Variants in CSMD1 observed in about 807,000 individuals in gnomAD.
CSMD1 encodes CUB and Sushi multiple domains 1.
Under a neutral mutation model 417.5 loss-of-function variants are expected in CSMD1, and 213 were observed. The observed-to-expected ratio is 0.51, with a 90% CI of 0.46 to 0.57. CSMD1 has a LOEUF of 0.57. Among genes scored for constraint, CSMD1 ranks in the 20% least tolerant of loss-of-function variants. CSMD1 has a pLI of 0.00. For synonymous variants in CSMD1, 2,862 were observed against 1,736.8 expected, an observed-to-expected ratio of 1.65 and a Z score of -16.11; for missense variants, 6,923 against 4,529.7, an observed-to-expected ratio of 1.53 and a Z score of -15.17.
intron 21 of CSMD1, among the ~76,000 whole-genome samples, chr8:3,356,432 T>C (rs1336407813): frequency 6.6e-6 from 1 of 152,130 alleles, no homozygotes; most frequent in Non-Finnish European, 1.5e-5. Flanking sequence ...ATCCCAGCAC[T>C]TTGGGAGGCC....
intron 1 of CSMD1, among the ~76,000 whole-genome samples, chr8:4,776,560 C>T (rs764406017): frequency 5.3e-5 from 8 of 152,146 alleles, no homozygotes; most frequent in Non-Finnish European, 1.0e-4. Context: ...CCACTACGGG[C>T]TGCATTGTTC....
intron 25 of CSMD1, among the ~76,000 whole-genome samples, chr8:3,306,636 T>C (rs1804872581): frequency 6.6e-6 from 1 of 151,644 alleles, no homozygotes; most frequent in African/African-American, 2.4e-5. Context: ...GCAAATTTTG[T>C]ACAGAAAATT....
intron 3 of CSMD1, among the ~76,000 whole-genome samples, chr8:4,191,362 C>G (rs1207581020): frequency 6.6e-6 from 1 of 152,052 alleles, no homozygotes; most frequent in Non-Finnish European, 1.5e-5. Flanking sequence ...CGCCACTGCA[C>G]TCCAGCCTGG....
chr8:4,293,923 A>G (rs1168102789), intron 3 of CSMD1, among the ~76,000 whole-genome samples: 2 of 152,008 alleles, frequency 1.3e-5, no homozygotes, highest in African/African-American at 2.4e-5. Context: ...TGTCTACTGT[A>G]GAGCTTTCCA....
At position 3,663,201 on chromosome 8, in the gene CSMD1, G is replaced by C. The variant is rs184977573; in HGVS notation, c.1009+45213C>G. Among the ~76,000 whole-genome samples, 421 of 152,198 alleles carry C rather than the reference G, an allele frequency of 2.8e-3. 7 individuals carry two copies. Among genetic ancestry groups the C allele is most frequent in the Admixed American group, 0.021 (316 of 15,290 alleles). On this transcript the variant is annotated intron_variant, in intron 7 of 69. Transcript: ENST00000635120. ...TTCATTTCCAGCACAGAGAAAGCGT[G>C]AACAACAAAGATATTTTTAAACAAA...
intron 3 of CSMD1, among the ~76,000 whole-genome samples, chr8:4,391,862 T>A (rs373986166): frequency 1.3e-5 from 2 of 152,182 alleles, no homozygotes; most frequent in African/African-American, 2.4e-5. Flanking sequence ...TCTGTTCTCA[T>A]CTGGGTATGT....
In CSMD1 at chr8:3,199,746, G is replaced by T; in HGVS notation, c.5162C>A (p.Ala1721Asp). 2 of 1,589,340 alleles carry T rather than the reference G, an allele frequency of 1.3e-6. No individual in the cohort carries two copies. Among genetic ancestry groups the T allele is most frequent in the Non-Finnish European group, 1.7e-6 (2 of 1,167,482 alleles). ...ILLRFSAKSG[A>D]SARGFHFVYQ... ...CACGAAGTGGAAGCCGCGGGCAGAG[G>T]CACCGCTCTTTGCACTGAATCGGAG... The change falls in exon 33 of 70, where the codon GCC becomes GAC. Residue 1721 changes from alanine (A) to aspartate (D), a missense_variant. Transcript: ENST00000635120.
intron 37 of CSMD1, among the ~76,000 whole-genome samples, chr8:3,167,509 G>C (rs564843229): frequency 2.0e-5 from 3 of 152,286 alleles, no homozygotes; most frequent in African/African-American, 7.2e-5. Flanking sequence ...TGGGAAAGGA[G>C]GTGGGTCTTA....
intron 1 of CSMD1, among the ~76,000 whole-genome samples, chr8:4,722,048 G>A (rs1217420248): frequency 1.3e-5 from 2 of 152,152 alleles, no homozygotes; most frequent in Admixed American, 6.6e-5. Context: ...TCCAAAGTAT[G>A]AAGTTGAACT....
chr8:3,138,612 T>A (rs1482836150), intron 41 of CSMD1, among the ~76,000 whole-genome samples: 1 of 152,164 alleles, frequency 6.6e-6, no homozygotes, highest in African/African-American at 2.4e-5. Flanking sequence ...TGCAGGGTAT[T>A]ACATAGAAAC....
At chr8:4,975,349 A>C (rs1172166954) in intron 1 of CSMD1, among the ~76,000 whole-genome samples, 1 of 152,234 alleles carries the variant, frequency 6.6e-6, no homozygotes, top group Non-Finnish European at 1.5e-5. Context: ...TAAGAAAAGA[A>C]AAAGAATAAT....
intron 3 of CSMD1, among the ~76,000 whole-genome samples, chr8:4,138,689 A>G (rs1234039845): frequency 3.9e-5 from 6 of 152,208 alleles, no homozygotes; most frequent in Non-Finnish European, 7.3e-5. Context: ...GTTAAATTGT[A>G]ATGAATTCAA....
intron 23 of CSMD1, among the ~76,000 whole-genome samples, chr8:3,332,954 G>A (rs1392054916): frequency 6.6e-6 from 1 of 152,190 alleles, no homozygotes; most frequent in East Asian, 1.9e-4. Context: ...GTCAAGATAC[G>A]GAGCCTGACT....
intron 8 of CSMD1, 51 bp from the exon 9 acceptor site, chr8:3,586,311 T>C: frequency 1.4e-6 from 2 of 1,473,658 alleles, no homozygotes; most frequent in South Asian, 1.4e-5. Context: ...ACAGAAGACT[T>C]CTTTAGGAAA....
chr8:4,210,804 C>G (rs1213501581), intron 3 of CSMD1, among the ~76,000 whole-genome samples: 4 of 152,086 alleles, frequency 2.6e-5, no homozygotes, highest in East Asian at 3.9e-4. Context: ...TCTACAAGGT[C>G]TCAAGACTAT....
intron 7 of CSMD1, among the ~76,000 whole-genome samples, chr8:3,649,704 G>C (rs879328447): frequency 6.6e-6 from 1 of 152,008 alleles, no homozygotes; most frequent in Non-Finnish European, 1.5e-5. Flanking sequence ...GAGGATTATC[G>C]GGATTATAAT....
chr8:3,640,136 C>A (rs555869215), intron 7 of CSMD1, among the ~76,000 whole-genome samples: 2 of 152,148 alleles, frequency 1.3e-5, no homozygotes, highest in East Asian at 1.9e-4. Context: ...CCCACTTTTT[C>A]TTGCGTAAGA....
intron 6 of CSMD1, among the ~76,000 whole-genome samples, chr8:3,717,773 T>A (rs1801927636): frequency 6.6e-6 from 1 of 152,224 alleles, no homozygotes; most frequent in South Asian, 2.1e-4. Context: ...ACAGTTTTCC[T>A]AAGGTATTTT....
chr8:4,816,769 G>A (rs1051188852), intron 1 of CSMD1, among the ~76,000 whole-genome samples: 4 of 152,166 alleles, frequency 2.6e-5, no homozygotes, highest in Admixed American at 1.3e-4. Context: ...TAGGACTGAG[G>A]ATGGGGATGA....
Sources: allele counts gnomAD v4.1 joint callset (sites outside exome capture counted in the v4.1 genomes callset), GRCh38; gene constraint gnomAD v4.1.1; transcripts MANE v1.5; gene names NCBI Gene and HGNC (gene_info 2026-07-23, HGNC 2026-07-21).